Variants in SYT1 observed in about 807,000 individuals in gnomAD.
SYT1 encodes the protein synaptotagmin-1.
SYT1 carries 8 observed loss-of-function variants against 44.8 expected under a neutral mutation model. That is an observed-to-expected ratio of 0.18 (90% CI 0.10 to 0.32). The LOEUF is 0.32. Among genes scored for constraint, SYT1 ranks in the 10% least tolerant of loss-of-function variants. The pLI, the probability that SYT1 is intolerant of heterozygous loss-of-function variation, is 1.00. For missense variants in SYT1, 286 were observed against 509.3 expected, an observed-to-expected ratio of 0.56 and a Z score of 4.22; for synonymous variants, 154 against 188.8, an observed-to-expected ratio of 0.82 and a Z score of 1.51.
Position 79,398,780 on chromosome 12 carries a change from T to A in SYT1, c.928+45161T>A, listed in dbSNP as rs532613814. Among the ~76,000 whole-genome samples the A allele has an allele frequency of 2.0e-5, 3 of 152,346 alleles. No homozygotes were observed. The East Asian group carries it at 5.8e-4, about 29-fold the overall frequency. On this transcript the variant is annotated intron_variant, in intron 9 of 10. Transcript: ENST00000261205. ...TGCTATTTTAGAAGGAAAATGATTG[T>A]AATATATAAAATGGACATGTTTTTT...
chr12:79,057,012 T>G (rs567584461), intron 3 of SYT1, among the ~76,000 whole-genome samples: 1 of 152,178 alleles, frequency 6.6e-6, no homozygotes, highest in African/African-American at 2.4e-5. Flanking sequence ...CTCCTTTCAA[T>G]GTAAAATCTT....
At chr12:79,199,304 A>C (rs888879267) in intron 3 of SYT1, among the ~76,000 whole-genome samples, 33 of 152,258 alleles carry the variant, frequency 2.2e-4, no homozygotes, top group Admixed American at 1.8e-3. Context: ...ATGCTGGCTG[A>C]AATTTTTACT....
chr12:79,190,832 T>C (rs1471625101), intron 3 of SYT1, among the ~76,000 whole-genome samples: 2 of 152,170 alleles, frequency 1.3e-5, no homozygotes, highest in Non-Finnish European at 2.9e-5. Flanking sequence ...TTCAGAACTT[T>C]GTGTCCCCCA....
intron 1 of SYT1, 72 bp from the exon 2 acceptor site, chr12:78,977,727 G>A (rs952871197): frequency 6.6e-6 from 1 of 152,214 alleles, no homozygotes; most frequent in Non-Finnish European, 1.5e-5. Flanking sequence ...ATAAGCAGAA[G>A]TCTATACCCA....
At chr12:79,324,415 C>A (rs1881514629) in intron 8 of SYT1, among the ~76,000 whole-genome samples, 1 of 152,100 alleles carries the variant, frequency 6.6e-6, no homozygotes, top group South Asian at 2.1e-4. Flanking sequence ...AGTCAATAGA[C>A]CCACATGACC....
chr12:78,942,417 A>G, intron 1 of SYT1, among the ~76,000 whole-genome samples: 1 of 152,124 alleles, frequency 6.6e-6, no homozygotes, highest in Middle Eastern at 3.4e-3. Context: ...TCAGACTCCA[A>G]ATCTTTCTCA....
intron 8 of SYT1, among the ~76,000 whole-genome samples, chr12:79,308,563 G>GAAA (rs1363518266): frequency 1.6e-4 from 21 of 132,650 alleles, no homozygotes; most frequent in African/African-American, 5.5e-4. Context: ...AAGAAAGAAA[G>GAAA]GAAAAGAAAG....
intron 3 of SYT1, among the ~76,000 whole-genome samples, chr12:79,174,571 G>C (rs1871743177): frequency 6.6e-6 from 1 of 151,988 alleles, no homozygotes; most frequent in South Asian, 2.1e-4. Flanking sequence ...AAATGGGCCA[G>C]AGTATATATG....
At chr12:79,336,627 A>G (rs910189213) in intron 8 of SYT1, among the ~76,000 whole-genome samples, 2 of 151,810 alleles carry the variant, frequency 1.3e-5, no homozygotes, top group Non-Finnish European at 2.9e-5. Context: ...CTAACACTGC[A>G]CTCATTCATT....
chr12:79,114,535 T>C (rs1879177901), intron 3 of SYT1, among the ~76,000 whole-genome samples: 1 of 149,890 alleles, frequency 6.7e-6, no homozygotes. Context: ...GTGACCCACC[T>C]ACATCATAAC....
intron 3 of SYT1, among the ~76,000 whole-genome samples, chr12:79,155,542 T>C (rs1870542758): frequency 6.6e-6 from 1 of 152,236 alleles, no homozygotes. Context: ...AAATCAACTG[T>C]AAAGATTTTG....
At chr12:79,040,057 A>C (rs1385798452) in intron 2 of SYT1, among the ~76,000 whole-genome samples, 2 of 152,020 alleles carry the variant, frequency 1.3e-5, no homozygotes, top group African/African-American at 4.8e-5. Context: ...AGTCTTTGCT[A>C]TTGTGAGTAA....
intron 3 of SYT1, among the ~76,000 whole-genome samples, chr12:79,073,003 C>T (rs548220229): frequency 1.4e-4 from 21 of 152,120 alleles, no homozygotes; most frequent in South Asian, 6.2e-4. Context: ...ATATTTGGGA[C>T]ACTTAAATAA....
At chr12:79,290,119 A>T (rs1337818920) in intron 5 of SYT1, among the ~76,000 whole-genome samples, 1 of 152,112 alleles carries the variant, frequency 6.6e-6, no homozygotes, top group Non-Finnish European at 1.5e-5. Context: ...TTCTACACCG[A>T]TGTATATCAT....
intron 1 of SYT1, among the ~76,000 whole-genome samples, chr12:78,899,430 G>A (rs931376785): frequency 9.2e-5 from 14 of 151,734 alleles, no homozygotes; most frequent in Admixed American, 3.9e-4. Flanking sequence ...TAATATTCTC[G>A]AAATATAATT....
At chr12:79,250,170 A>G (rs994084600) in intron 4 of SYT1, among the ~76,000 whole-genome samples, 9 of 152,230 alleles carry the variant, frequency 5.9e-5, no homozygotes, top group African/African-American at 2.2e-4. Context: ...GTTGACAAAA[A>G]ATACCACTGC....
intron 9 of SYT1, among the ~76,000 whole-genome samples, chr12:79,363,046 A>T (rs1217753654): frequency 1.3e-5 from 2 of 152,132 alleles, no homozygotes; most frequent in East Asian, 3.9e-4. Flanking sequence ...CCACAGCTGC[A>T]TATCTCACTA....
At chr12:79,243,907 A>G (rs1245812) in intron 4 of SYT1, among the ~76,000 whole-genome samples, 116,550 of 151,550 alleles carry the variant, frequency 0.77, 45,844 homozygotes, top group African/African-American at 0.94. Context: ...GAAGGAAGGA[A>G]GGAAGGAAAT....
chr12:78,967,301 C>T (rs998671500), intron 1 of SYT1, among the ~76,000 whole-genome samples: 8 of 152,028 alleles, frequency 5.3e-5, no homozygotes, highest in Admixed American at 1.3e-4. Flanking sequence ...ATAAACTGCT[C>T]GGCTAGTATT....
Sources: allele counts gnomAD v4.1 joint callset (sites outside exome capture counted in the v4.1 genomes callset), GRCh38; gene constraint gnomAD v4.1.1; transcripts MANE v1.5; gene names NCBI Gene and HGNC (gene_info 2026-07-23, HGNC 2026-07-21).